Variants in GSG1L observed in about 807,000 individuals in gnomAD.
GSG1L encodes the protein germ cell-specific gene 1-like protein.
A neutral mutation model predicts 42.1 loss-of-function variants in GSG1L; 24 were observed. That is an observed-to-expected ratio of 0.57 (90% CI 0.41 to 0.80). The LOEUF (loss-of-function observed/expected upper bound fraction) is 0.80, where lower values mean the gene tolerates loss of function less well. GSG1L is among the 30% of genes least tolerant of loss of function. GSG1L has a pLI of 0.00. For missense variants in GSG1L, 445 were observed against 472.2 expected (o/e 0.94, Z 0.53); for synonymous variants, 215 against 203.5 (o/e 1.06, Z -0.48).
intron 4 of GSG1L, among the ~76,000 whole-genome samples, chr16:27,837,299 A>G (rs1225622148): frequency 6.6e-6 from 1 of 152,208 alleles, no homozygotes; most frequent in Non-Finnish European, 1.5e-5. Context: ...CCTATGATCA[A>G]ATTACCTCCA....
At chr16:27,996,104 G>A (rs947621716) in intron 1 of GSG1L, among the ~76,000 whole-genome samples, 74 of 151,964 alleles carry the variant, frequency 4.9e-4, no homozygotes, top group Admixed American at 2.2e-3. Flanking sequence ...CCTAAACAGC[G>A]CCCTCTCTCT....
intron 1 of GSG1L, among the ~76,000 whole-genome samples, chr16:27,973,794 G>A (rs935170069): frequency 3.9e-5 from 6 of 152,152 alleles, no homozygotes; most frequent in African/African-American, 1.4e-4. Context: ...TATAGGGTAG[G>A]TCGGCAGGGC....
chr16:27,908,139 G>C (rs116849188), intron 2 of GSG1L, among the ~76,000 whole-genome samples: 78 of 152,354 alleles, frequency 5.1e-4, no homozygotes, highest in Admixed American at 1.6e-3. Context: ...TGCACAACCA[G>C]TGCAATCCCT....
chr16:27,804,154 C>G (rs374274096), intron 6 of GSG1L, among the ~76,000 whole-genome samples: 2 of 152,004 alleles, frequency 1.3e-5, no homozygotes, highest in Non-Finnish European at 2.9e-5. Flanking sequence ...TAAAATGCCC[C>G]GGGCTCCCTG....
chr16:27,797,813 C>T (rs1358751886), intron 6 of GSG1L, among the ~76,000 whole-genome samples: 1 of 115,512 alleles, frequency 8.7e-6, no homozygotes, highest in Non-Finnish European at 1.7e-5. Flanking sequence ...CAGAGAGAGA[C>T]TCCATCTCAA....
chr16:27,891,205 A>G (rs2141032650), intron 2 of GSG1L, among the ~76,000 whole-genome samples: 1 of 152,256 alleles, frequency 6.6e-6, no homozygotes, highest in South Asian at 2.1e-4. Context: ...CCTGTTTCCC[A>G]CCAGGGGACG....
At chr16:28,010,267 G>T (rs2085700175) in intron 1 of GSG1L, among the ~76,000 whole-genome samples, 2 of 152,182 alleles carry the variant, frequency 1.3e-5, no homozygotes, top group Admixed American at 1.3e-4. Flanking sequence ...AACCCAAGAA[G>T]GGGCAGCATC....
chr16:27,824,762 T>C (rs1317082897), intron 5 of GSG1L, among the ~76,000 whole-genome samples: 1 of 152,222 alleles, frequency 6.6e-6, no homozygotes. Context: ...CAGCAGCTTC[T>C]TGTTGATGGG....
chr16:28,035,745 C>T (rs997402016), intron 1 of GSG1L, among the ~76,000 whole-genome samples: 1 of 152,200 alleles, frequency 6.6e-6, no homozygotes, highest in African/African-American at 2.4e-5. Flanking sequence ...TACAACCCCT[C>T]ATTGCCCAGA....
At chr16:27,947,426 A>AAGAAAGAG (rs1555510013) in intron 2 of GSG1L, among the ~76,000 whole-genome samples, 1 of 140,612 alleles carries the variant, frequency 7.1e-6, no homozygotes, top group Non-Finnish European at 1.6e-5. Context: ...GAAAGAAAGA[A>AAGAAAGAG]AGAGAAGGAA....
chr16:27,947,569 G>GAAAGAAAT (rs2084895704), intron 2 of GSG1L, among the ~76,000 whole-genome samples: 1 of 93,980 alleles, frequency 1.1e-5, no homozygotes, highest in East Asian at 2.6e-4. Context: ...AAGAAAGAAA[G>GAAAGAAAT]AAAGAAAGAA....
At chr16:27,900,187 A>G (rs554352865) in intron 2 of GSG1L, among the ~76,000 whole-genome samples, 1 of 152,290 alleles carries the variant, frequency 6.6e-6, no homozygotes, top group Non-Finnish European at 1.5e-5. Flanking sequence ...AGGAACCCCA[A>G]ATTGAACCTG....
intron 1 of GSG1L, among the ~76,000 whole-genome samples, chr16:28,025,955 C>T (rs2085896023): frequency 6.6e-6 from 1 of 152,208 alleles, no homozygotes; most frequent in Non-Finnish European, 1.5e-5. Context: ...AGGAGAATCT[C>T]CAGAATCCTT....
chr16:27,981,486 G>A (rs1177814481), intron 1 of GSG1L, among the ~76,000 whole-genome samples: 1 of 152,186 alleles, frequency 6.6e-6, no homozygotes, highest in East Asian at 1.9e-4. Flanking sequence ...CTGGGCTGGC[G>A]GCAGAGCCTT....
At chr16:27,969,502 C>A (rs1159696324) in intron 1 of GSG1L, among the ~76,000 whole-genome samples, 1 of 152,102 alleles carries the variant, frequency 6.6e-6, no homozygotes. Flanking sequence ...TTTGTGACTA[C>A]CTTCTTTCAC....
chr16:27,953,121 C>G (rs1361360173), intron 2 of GSG1L, among the ~76,000 whole-genome samples: 5 of 152,148 alleles, frequency 3.3e-5, no homozygotes, highest in African/African-American at 1.2e-4. Flanking sequence ...GAAACAGAGT[C>G]TCACTATGTC....
At chr16:27,909,356 TTTTCTTTC>T (rs1309777908) in intron 2 of GSG1L, among the ~76,000 whole-genome samples, 5 of 151,422 alleles carry the variant, frequency 3.3e-5, no homozygotes, top group Admixed American at 2.6e-4. Flanking sequence ...TTTCTTTCTT[TTTTCTTTC>T]TTTCTTTCTT....
chr16:27,960,717 G>C (rs1056342784), intron 2 of GSG1L, among the ~76,000 whole-genome samples: 11 of 152,170 alleles, frequency 7.2e-5, no homozygotes, highest in Non-Finnish European at 1.2e-4. Context: ...GTATACATGG[G>C]GGGAGGCCAC....
intron 2 of GSG1L, among the ~76,000 whole-genome samples, chr16:27,910,377 A>G (rs936871768): frequency 3.3e-5 from 5 of 152,220 alleles, no homozygotes; most frequent in Non-Finnish European, 7.3e-5. Flanking sequence ...AGTACTTACT[A>G]TACTACTCAT....
Sources: gnomAD v4.1 joint callset for allele counts (sites outside exome capture counted in the v4.1 genomes callset) on GRCh38, gnomAD v4.1.1 for gene constraint, MANE v1.5 for transcripts, NCBI Gene and HGNC (gene_info 2026-07-23, HGNC 2026-07-21) for gene names.